PTPRT: variants seen among roughly 807,000 people sequenced by gnomAD.
The protein encoded by PTPRT is receptor-type tyrosine-protein phosphatase T.
PTPRT carries 56 observed loss-of-function variants against 176.8 expected under a neutral mutation model. The ratio of observed to expected loss-of-function variants is 0.32; its 90% CI spans 0.26 to 0.40. The LOEUF is 0.40. Ranked by LOEUF, PTPRT falls within the 10% of genes least tolerant of loss-of-function variation. The probability of loss-of-function intolerance (pLI) is 1.00; values close to 1 mark genes in which losing one functional copy is unlikely to be tolerated. For missense variants in PTPRT, 1,540 were observed against 1,908.2 expected, an observed-to-expected ratio of 0.81 and a Z score of 3.60; for synonymous variants, 783 against 739.0, an observed-to-expected ratio of 1.06 and a Z score of -0.96.
At chr20:42,986,274 G>A (rs1205254401) in intron 1 of PTPRT, among the ~76,000 whole-genome samples, 1 of 152,226 alleles carries the variant, frequency 6.6e-6, no homozygotes, top group Non-Finnish European at 1.5e-5. Context: ...GCGATTAGGT[G>A]GGAGGGCACA....
chr20:42,032,300 G>T, the PTPRT span, among the ~76,000 whole-genome samples: 1 of 152,132 alleles, frequency 6.6e-6, no homozygotes. Flanking sequence ...AACATACATG[G>T]TCTTTCTTCA....
In PTPRT at chr20:42,232,881, C is replaced by CTCT. The variant is rs540954701; in HGVS notation, c.2342+3345_2342+3347dup. Among the ~76,000 whole-genome samples the CTCT allele has an allele frequency of 1.3e-4, 19 of 151,486 alleles. No individual in the cohort carries two copies. The East Asian group carries it at 1.9e-3, about 15-fold the overall frequency. ...CATGGTCCCCAGGCAGGCTGGCTAC[C>CTCT]TCTTCAACCTTCATCCCTACAACCT... On this transcript the variant is annotated intron_variant, in intron 15 of 30. Coordinates refer to ENST00000373187, the MANE Select transcript of PTPRT (RefSeq NM_007050.6).
At chr20:42,489,214 T>C (rs1442101925) in intron 7 of PTPRT, among the ~76,000 whole-genome samples, 1 of 152,142 alleles carries the variant, frequency 6.6e-6, no homozygotes, top group East Asian at 1.9e-4. Flanking sequence ...ATGGTAGACA[T>C]GAAATCTGTT....
chr20:42,186,323 A>T (rs1325975747), intron 16 of PTPRT, among the ~76,000 whole-genome samples: 2 of 152,034 alleles, frequency 1.3e-5, no homozygotes, highest in Non-Finnish European at 2.9e-5. Context: ...CTTTATTCTA[A>T]TAAAGACAGA....
chr20:42,608,283 A>G (rs2073916961), intron 7 of PTPRT, among the ~76,000 whole-genome samples: 1 of 152,080 alleles, frequency 6.6e-6, no homozygotes, highest in Admixed American at 6.6e-5. Flanking sequence ...TCATGATGCC[A>G]CTCTATAAAG....
intron 1 of PTPRT, among the ~76,000 whole-genome samples, chr20:43,029,710 C>T (rs1986061175): frequency 6.6e-6 from 1 of 152,250 alleles, no homozygotes; most frequent in South Asian, 2.1e-4. Context: ...TGGTCAAAGG[C>T]TTGGCCTTAT....
chr20:42,976,700 C>T (rs1982977489), intron 1 of PTPRT, among the ~76,000 whole-genome samples: 2 of 152,198 alleles, frequency 1.3e-5, no homozygotes, highest in African/African-American at 4.8e-5. Context: ...AGCCACCACA[C>T]TCAGGCTGTT....
intron 7 of PTPRT, among the ~76,000 whole-genome samples, chr20:42,664,280 C>T (rs995776159): frequency 1.3e-5 from 2 of 152,110 alleles, no homozygotes; most frequent in Non-Finnish European, 2.9e-5. Flanking sequence ...GATATTTTAT[C>T]TCCCTTTTCT....
chr20:42,393,965 G>A (rs1218831792), intron 9 of PTPRT, among the ~76,000 whole-genome samples: 1 of 151,782 alleles, frequency 6.6e-6, no homozygotes, highest in African/African-American at 2.4e-5. Context: ...CCTGCAAGAT[G>A]CCCAGTAAGG....
intron 9 of PTPRT, among the ~76,000 whole-genome samples, chr20:42,431,595 G>A (rs2059216137): frequency 6.6e-6 from 1 of 152,196 alleles, no homozygotes; most frequent in African/African-American, 2.4e-5. Context: ...TGTGGTAGAA[G>A]AGATTATAGG....
intron 14 of PTPRT, among the ~76,000 whole-genome samples, chr20:42,245,286 C>T (rs1012748668): frequency 6.6e-6 from 1 of 152,128 alleles, no homozygotes; most frequent in Non-Finnish European, 1.5e-5. Context: ...CTCATATCAT[C>T]CTGTTTATGT....
At chr20:42,980,960 A>C (rs951441137) in intron 1 of PTPRT, among the ~76,000 whole-genome samples, 1 of 152,190 alleles carries the variant, frequency 6.6e-6, no homozygotes, top group African/African-American at 2.4e-5. Context: ...GTGGGAGCCC[A>C]ACTTCAGTGT....
chr20:42,338,658 GA>G (rs999900225), intron 11 of PTPRT, among the ~76,000 whole-genome samples: 2 of 150,950 alleles, frequency 1.3e-5, no homozygotes, highest in African/African-American at 4.9e-5. Context: ...TCCTTTTTTT[GA>G]AAAAAAACAT....
At chr20:42,131,919 A>G (rs1988140778) in intron 18 of PTPRT, among the ~76,000 whole-genome samples, 1 of 152,204 alleles carries the variant, frequency 6.6e-6, no homozygotes, top group South Asian at 2.1e-4. Flanking sequence ...GAAAAAAGCA[A>G]GCACCGTGGG....
intron 1 of PTPRT, among the ~76,000 whole-genome samples, chr20:43,017,357 C>T (rs1253495428): frequency 6.6e-6 from 1 of 152,068 alleles, no homozygotes; most frequent in African/African-American, 2.4e-5. Flanking sequence ...TCTCTCATTC[C>T]TCTCTGTTTA....
intron 4 of PTPRT, among the ~76,000 whole-genome samples, chr20:42,776,222 A>T (rs2077133569): frequency 6.6e-6 from 1 of 152,058 alleles, no homozygotes; most frequent in South Asian, 2.1e-4. Context: ...TCTATGCTCT[A>T]AGTTTCTTCA....
intron 6 of PTPRT, among the ~76,000 whole-genome samples, chr20:42,701,721 G>T (rs1049554027): frequency 2.6e-5 from 4 of 152,102 alleles, no homozygotes; most frequent in Non-Finnish European, 5.9e-5. Context: ...GGAGAATGTG[G>T]TGTCCCAGGG....
intron 7 of PTPRT, among the ~76,000 whole-genome samples, chr20:42,633,693 C>T (rs1055737272): frequency 2.8e-5 from 4 of 140,810 alleles, no homozygotes; most frequent in East Asian, 4.2e-4. Context: ...GGCTGAGGCA[C>T]GAGAATTGCT....
chr20:42,191,619 C>T (rs1405918409), intron 16 of PTPRT, among the ~76,000 whole-genome samples: 11 of 152,182 alleles, frequency 7.2e-5, no homozygotes, highest in Admixed American at 7.2e-4. Flanking sequence ...AGGACCTGGG[C>T]ACAGAGGTAG....
Sources: gnomAD v4.1 joint callset for allele counts (sites outside exome capture counted in the v4.1 genomes callset) on GRCh38, gnomAD v4.1.1 for gene constraint, MANE v1.5 for transcripts, NCBI Gene and HGNC (gene_info 2026-07-23, HGNC 2026-07-21) for gene names.